USH2A: variants seen among roughly 807,000 people sequenced by gnomAD.
USH2A encodes usherin.
USH2A carries 443 observed loss-of-function variants against 538.9 expected under a neutral mutation model. That is an observed-to-expected ratio of 0.82 (90% CI 0.76 to 0.89). The LOEUF (loss-of-function observed/expected upper bound fraction) is 0.89, where lower values mean the gene tolerates loss of function less well. USH2A is among the 40% of genes least tolerant of loss of function. The probability of loss-of-function intolerance (pLI) is 0.00; values close to 1 mark genes in which losing one functional copy is unlikely to be tolerated. For synonymous variants in USH2A, 2,413 were observed against 2,273.5 expected, an observed-to-expected ratio of 1.06 and a Z score of -1.75; for missense variants, 6,633 against 6,324.8, an observed-to-expected ratio of 1.05 and a Z score of -1.65.
intron 11 of USH2A, among the ~76,000 whole-genome samples, chr1:216,265,304 CT>C (rs1264171620): frequency 6.6e-6 from 1 of 151,802 alleles, no homozygotes; most frequent in Admixed American, 6.6e-5. Context: ...ACAATATTAT[CT>C]TTTCCCAGTT....
At position 215,760,889 on chromosome 1, in the gene USH2A, T is replaced by C. The variant is rs773553041; in HGVS notation, c.11048-1046A>G. Among the ~76,000 whole-genome samples, 9 of 152,216 alleles carry C rather than the reference T, an allele frequency of 5.9e-5. No individual in the cohort carries two copies. The South Asian group carries it at 6.2e-4, about 11-fold the overall frequency. On this transcript the variant is annotated intron_variant, in intron 56 of 71. Coordinates refer to ENST00000307340, the MANE Select transcript of USH2A (RefSeq NM_206933.4). The stretch of plus-strand genomic sequence containing the variant: ...CGAAATCTTGGCCTTCCATATTCCA[T>C]TGGAATCTTTGTAAAAGTGTATAAA...
At chr1:215,913,219 A>G (rs924163072) in intron 38 of USH2A, among the ~76,000 whole-genome samples, 3 of 152,122 alleles carry the variant, frequency 2.0e-5, no homozygotes, top group Admixed American at 1.3e-4. Context: ...AACTAGCCAG[A>G]GTCACACCAT....
intron 31 of USH2A, 50 bp from the exon 32 acceptor site, chr1:216,046,642 T>G (rs1296480649): frequency 3.7e-6 from 6 of 1,604,644 alleles, no homozygotes; most frequent in Non-Finnish European, 5.1e-6. Context: ...CTTTTCTAAT[T>G]CAAACTTTTC....
At chr1:216,039,590 T>C (rs560844037) in intron 32 of USH2A, among the ~76,000 whole-genome samples, 2 of 152,166 alleles carry the variant, frequency 1.3e-5, no homozygotes, top group East Asian at 3.9e-4. Context: ...TGCAATGTGA[T>C]ATTTAAATAT....
In USH2A at chr1:215,844,495, C is replaced by A; in HGVS notation, c.9057G>T (p.Glu3019Asp). The A allele has an allele frequency of 6.2e-7, 1 of 1,607,874 alleles. No homozygotes were observed. Among genetic ancestry groups the A allele is most frequent in the Non-Finnish European group, 8.5e-7 (1 of 1,179,728 alleles). ...AGLHATTCDG[E>D]PQGMLPPEVV... ...CCTCTGGAGGAAGCATGCCCTGAGGCTCTAGAATTAAAGGAAGAAACTGAA... is the reference window on the plus strand; with the variant it reads ...CCTCTGGAGGAAGCATGCCCTGAGGATCTAGAATTAAAGGAAGAAACTGAA... The change falls in exon 46 of 72, where the codon GAG becomes GAT. Residue 3019 changes from glutamate to aspartate, a missense_variant and splice_region_variant. Coordinates refer to ENST00000307340, the MANE Select transcript of USH2A (RefSeq NM_206933.4).
At chr1:215,663,961 C>T (rs1012582804) in intron 64 of USH2A, among the ~76,000 whole-genome samples, 4 of 152,090 alleles carry the variant, frequency 2.6e-5, no homozygotes, top group South Asian at 2.1e-4. Context: ...TGAAGCCAAA[C>T]AGAGACAAGC....
chr1:216,043,117 G>A (rs1205772898), intron 32 of USH2A, among the ~76,000 whole-genome samples: 1 of 151,980 alleles, frequency 6.6e-6, no homozygotes. Context: ...GTTCTGGCAA[G>A]GGAAAATAAA....
chr1:215,848,049 G>A (rs1250681995), intron 44 of USH2A, among the ~76,000 whole-genome samples: 1 of 152,094 alleles, frequency 6.6e-6, no homozygotes, highest in African/African-American at 2.4e-5. Flanking sequence ...GTAAGCACAT[G>A]CAATAATGAG....
intron 56 of USH2A, among the ~76,000 whole-genome samples, chr1:215,760,602 G>C (rs1372036653): frequency 6.6e-6 from 1 of 152,074 alleles, no homozygotes; most frequent in African/African-American, 2.4e-5. Flanking sequence ...CTAAAAACAT[G>C]CAAAACAGAA....
chr1:216,251,053 A>C lies in USH2A; in HGVS notation c.2017T>G (p.Cys673Gly). The C allele has an allele frequency of 1.2e-6, 2 of 1,614,068 alleles. No homozygotes were observed. Among genetic ancestry groups the C allele is most frequent in the Non-Finnish European group, 1.7e-6 (2 of 1,179,996 alleles). The change falls in exon 12 of 72, where the codon TGC (cysteine) becomes GGC (glycine). Residue 673 changes from cysteine (C) to glycine (G), a missense_variant. Coordinates refer to ENST00000307340, the MANE Select transcript of USH2A (RefSeq NM_206933.4). Reference sequence around the variant, plus strand: ...TAGAATCCATTCTGGCACTGATTGCACTGCCTGCCAGACACGTGTCTCTTA... The same window carrying C: ...TAGAATCCATTCTGGCACTGATTGCCCTGCCTGCCAGACACGTGTCTCTTA... The part of the protein sequence containing the change: ...NCKRHVSGRQ[C>G]NQCQNGFYNL...
At chr1:215,676,329 T>C (rs1307511070) in intron 62 of USH2A, among the ~76,000 whole-genome samples, 2 of 152,196 alleles carry the variant, frequency 1.3e-5, no homozygotes, top group African/African-American at 4.8e-5. Flanking sequence ...ATGCTTATTA[T>C]ACTGTACAAA....
intron 17 of USH2A, among the ~76,000 whole-genome samples, chr1:216,198,945 T>C (rs1334534336): frequency 6.6e-6 from 1 of 152,166 alleles, no homozygotes; most frequent in Non-Finnish European, 1.5e-5. Flanking sequence ...AATGGCCAGT[T>C]CTTTTGGGGA....
At chr1:215,866,934 G>A in intron 44 of USH2A, 73 bp downstream of exon 44, 1 of 1,596,504 alleles carries the variant, frequency 6.3e-7, no homozygotes, top group Non-Finnish European at 8.6e-7. Context: ...ACATGGGGGA[G>A]GTTCATAGTA....
intron 34 of USH2A, among the ~76,000 whole-genome samples, chr1:215,996,560 GTTTTTTTTTTTTTTTTTT>G (rs753233925): frequency 3.3e-4 from 17 of 51,722 alleles, no homozygotes; most frequent in Admixed American, 1.3e-3. Flanking sequence ...AACATATTAT[GTTTTTTTTTTTTTTTTTT>G]TTTTTTTTTT....
chr1:215,677,577 T>C (rs1658075969), intron 62 of USH2A, among the ~76,000 whole-genome samples: 1 of 152,194 alleles, frequency 6.6e-6, no homozygotes, highest in Admixed American at 6.5e-5. Flanking sequence ...CTCATTTCTA[T>C]ACTCGGGGTG....
At chr1:215,788,061 CTATCTA>C (rs777331131) in intron 51 of USH2A, among the ~76,000 whole-genome samples, 23 of 152,076 alleles carry the variant, frequency 1.5e-4, no homozygotes, top group Middle Eastern at 3.4e-3. Flanking sequence ...GTGTATCTAT[CTATCTA>C]TATCTATCTA....
At chr1:215,696,054 A>G (rs983090934) in intron 61 of USH2A, among the ~76,000 whole-genome samples, 1 of 151,976 alleles carries the variant, frequency 6.6e-6, no homozygotes, top group Non-Finnish European at 1.5e-5. Context: ...TGGCCTACAC[A>G]TAGCTTTTGA....
rs540566409 is a variant in USH2A at position 216,096,979 on chromosome 1, A to G, written c.4758+104T>C. 3 of 1,211,496 alleles carry G rather than the reference A, an allele frequency of 2.5e-6. No individual in the cohort carries two copies. The African/African-American group carries it at 4.6e-5, about 19-fold the overall frequency. The allele number at this position is 1,211,496 out of a possible 1,614,324, so 75.0% of individuals were successfully genotyped here. On this transcript the variant is annotated intron_variant, in intron 22 of 71. Coordinates refer to ENST00000307340, the MANE Select transcript of USH2A (RefSeq NM_206933.4). Reference sequence around the variant, plus strand: ...TGGGGATAATAATAGTACTTACCTTACAAGGTTTGAATGAAGATTCAGTGT... The same window carrying G: ...TGGGGATAATAATAGTACTTACCTTGCAAGGTTTGAATGAAGATTCAGTGT...
intron 30 of USH2A, among the ~76,000 whole-genome samples, chr1:216,050,663 G>A (rs1269663848): frequency 2.1e-5 from 3 of 140,604 alleles, no homozygotes; most frequent in Admixed American, 1.5e-4. Context: ...GGAGTGCTGT[G>A]GTGCGATCTC....
Sources: gnomAD v4.1 joint callset for allele counts (sites outside exome capture counted in the v4.1 genomes callset) on GRCh38, gnomAD v4.1.1 for gene constraint, MANE v1.5 for transcripts, NCBI Gene and HGNC (gene_info 2026-07-23, HGNC 2026-07-21) for gene names.